UBR2: variants seen among roughly 807,000 people sequenced by gnomAD.
The protein encoded by UBR2 is ubiquitin protein ligase E3 component n-recognin 2, also known as E3 ubiquitin-protein ligase UBR2.
A neutral mutation model predicts 247.9 loss-of-function variants in UBR2; 92 were observed. The ratio of observed to expected loss-of-function variants is 0.37; its 90% CI spans 0.31 to 0.44. UBR2 has a LOEUF of 0.44. UBR2 is among the 20% of genes least tolerant of loss of function. The pLI is 1.00. For synonymous variants in UBR2, 672 were observed against 693.5 expected, an observed-to-expected ratio of 0.97 and a Z score of 0.49; for missense variants, 1,613 against 2,112.6, an observed-to-expected ratio of 0.76 and a Z score of 4.64.
At chr6:42,597,538 A>C (rs1793052312) in intron 4 of UBR2, among the ~76,000 whole-genome samples, 1 of 151,708 alleles carries the variant, frequency 6.6e-6, no homozygotes. Flanking sequence ...TTGAGGATGC[A>C]GTGAGCCATG....
At chr6:42,610,279 A>G (rs1382228818) in intron 7 of UBR2, among the ~76,000 whole-genome samples, 1 of 152,218 alleles carries the variant, frequency 6.6e-6, no homozygotes, top group East Asian at 1.9e-4. Context: ...CAGTCCAGCA[A>G]TTCCTCAAAA....
chr6:42,592,950 G>A (rs1486614302), intron 3 of UBR2, among the ~76,000 whole-genome samples: 2 of 151,828 alleles, frequency 1.3e-5, no homozygotes, highest in South Asian at 2.1e-4. Flanking sequence ...CAAGGCAGGC[G>A]GATCACGAGG....
At chr6:42,632,069 A>AAAAAAAAAAT (rs56721828) in intron 11 of UBR2, among the ~76,000 whole-genome samples, 3 of 114,088 alleles carry the variant, frequency 2.6e-5, no homozygotes, top group African/African-American at 1.0e-4. Flanking sequence ...AAAAAAAAAA[A>AAAAAAAAAAT]ATATATATAT....
chr6:42,637,326 C>T, intron 15 of UBR2, 132 bp downstream of exon 15: 1 of 1,022,194 alleles, frequency 9.8e-7, no homozygotes. Flanking sequence ...ATCCAATCAT[C>T]ACATCGTCCT....
At chr6:42,658,434 A>T (rs1241222774) in intron 28 of UBR2, 114 bp downstream of exon 28, 7 of 1,150,856 alleles carry the variant, frequency 6.1e-6, no homozygotes, top group East Asian at 2.6e-5. Flanking sequence ...AATTCCAAGA[A>T]ATATGCCACT....
At chr6:42,686,893 G>T (rs1438705918) in intron 44 of UBR2, among the ~76,000 whole-genome samples, 1 of 151,602 alleles carries the variant, frequency 6.6e-6, no homozygotes, top group Non-Finnish European at 1.5e-5. Flanking sequence ...ACAGGGTCGC[G>T]GCCGGGCAGA....
At position 42,659,518 on chromosome 6, in the gene UBR2, TATACACACACACACACACAC is replaced by T. The variant is rs1443268590; in HGVS notation, c.3243-136_3243-117del. 13 of 508,502 alleles carry T rather than the reference TATACACACACACACACACAC, an allele frequency of 2.6e-5. No individual in the cohort carries two copies. In the East Asian group the frequency reaches 2.8e-4, roughly 11 times the overall value. The allele number at this position is 508,502 out of a possible 1,614,324, so 31.5% of individuals were successfully genotyped here. ...CTGTCTCAAAAAATAAATAAATATA[TATACACACACACACACACAC>T]ACACACACACACACACACACACACT... On this transcript the variant is annotated intron_variant, in intron 29 of 46. Transcript: ENST00000372901. The surrounding 1 kb of genome is among the most constrained non-coding windows in gnomAD (Gnocchi z 4.3).
chr6:42,630,709 A>G (rs948806012), intron 11 of UBR2, among the ~76,000 whole-genome samples: 3 of 152,182 alleles, frequency 2.0e-5, no homozygotes, highest in African/African-American at 7.2e-5. Flanking sequence ...CAGATTTTCT[A>G]CTTATCTGCT....
chr6:42,632,069 A>AAAAAATATATATATAT (rs56721828), intron 11 of UBR2, among the ~76,000 whole-genome samples: 2 of 114,088 alleles, frequency 1.8e-5, no homozygotes, highest in African/African-American at 6.8e-5. Flanking sequence ...AAAAAAAAAA[A>AAAAAATATATATATAT]ATATATATAT....
chr6:42,640,407 T>TGA (rs1433805139), intron 16 of UBR2, 137 bp downstream of exon 16: 1 of 510,882 alleles, frequency 2.0e-6, no homozygotes, highest in African/African-American at 2.0e-5. Flanking sequence ...TGTGTGTGTG[T>TGA]GTGTGTGTGT....
At chr6:42,577,157 G>A (rs1053719048) in intron 2 of UBR2, among the ~76,000 whole-genome samples, 2 of 152,140 alleles carry the variant, frequency 1.3e-5, no homozygotes, top group Non-Finnish European at 2.9e-5. Flanking sequence ...AAAATGACAC[G>A]GAGTCTGTTA....
chr6:42,649,117 C>T (rs529777465), intron 22 of UBR2, among the ~76,000 whole-genome samples: 1 of 152,338 alleles, frequency 6.6e-6, no homozygotes, highest in East Asian at 1.9e-4. Flanking sequence ...AAGCAATTCT[C>T]CTGCCTCAGC....
At chr6:42,571,220 G>A (rs1258823752) in intron 1 of UBR2, among the ~76,000 whole-genome samples, 3 of 136,792 alleles carry the variant, frequency 2.2e-5, no homozygotes, top group African/African-American at 5.5e-5. Context: ...TCCAGCCTGG[G>A]TGACAGAGCA....
At chr6:42,637,486 C>T (rs1296118886) in intron 15 of UBR2, among the ~76,000 whole-genome samples, 3 of 137,344 alleles carry the variant, frequency 2.2e-5, no homozygotes, top group African/African-American at 5.6e-5. Flanking sequence ...GCCGTTATAC[C>T]ATAGTGCTTC....
chr6:42,570,682 TTG>T (rs912193114), intron 1 of UBR2, among the ~76,000 whole-genome samples: 6 of 151,558 alleles, frequency 4.0e-5, no homozygotes, highest in Admixed American at 1.3e-4. Context: ...AGTTTTTTTT[TTG>T]TTGTTTGTTT....
chr6:42,659,145 G>A lies in UBR2; in HGVS notation c.3242+321G>A, dbSNP rs541759957. Among the ~76,000 whole-genome samples the A allele has an allele frequency of 6.6e-6, 1 of 152,206 alleles. No individual in the cohort carries two copies. Among genetic ancestry groups the A allele is most frequent in the Admixed American group, 6.5e-5 (1 of 15,288 alleles). On this transcript the variant is annotated intron_variant, in intron 29 of 46. Transcript: ENST00000372901. This position sits in a 1 kb window ranked among gnomAD's most constrained non-coding sequence, Gnocchi z 4.3. ...GATTACTGTGAGGATTAAAGGAGAT[G>A]GTTTTGATACATACCAAAGACTTGA...
intron 7 of UBR2, among the ~76,000 whole-genome samples, chr6:42,610,868 G>A (rs1206856624): frequency 3.3e-5 from 5 of 149,408 alleles, no homozygotes; most frequent in Non-Finnish European, 7.4e-5. Context: ...TTTTTGAGAC[G>A]GAGTTTTGCT....
At chr6:42,601,412 G>A (rs1458102886) in intron 4 of UBR2, among the ~76,000 whole-genome samples, 1 of 152,136 alleles carries the variant, frequency 6.6e-6, no homozygotes, top group African/African-American at 2.4e-5. Flanking sequence ...AACTTCGCTG[G>A]GCGCGGCTGC....
rs1582750669 is a variant in UBR2, at chr6:42,691,314, A to G, written c.*141A>G. ...AGTTTTATAGTTTCTGGTTCTGAGG[A>G]CTGATGAAAATCATCTTCCATCAGC... On this transcript the variant is annotated 3_prime_UTR_variant, in exon 47 of 47. Transcript: ENST00000372901. The G allele has an allele frequency of 8.7e-7, 1 of 1,154,794 alleles. No individual in the cohort carries two copies. The highest frequency in any genetic ancestry group is 2.5e-5 in the East Asian group (1 of 39,600). The allele number at this position is 1,154,794 out of a possible 1,614,324, so 71.5% of individuals were successfully genotyped here. A position where few individuals can be genotyped will look rare whatever the true frequency, so the allele number is the denominator to read the frequency against.
Sources: allele counts gnomAD v4.1 joint callset (sites outside exome capture counted in the v4.1 genomes callset), GRCh38; gene constraint gnomAD v4.1.1; non-coding constraint Gnocchi (gnomAD v3.1); transcripts MANE v1.5; gene names NCBI Gene and HGNC (gene_info 2026-07-23, HGNC 2026-07-21).